MAP2K1: variants seen among roughly 807,000 people sequenced by gnomAD.
MAP2K1 encodes the protein mitogen-activated protein kinase kinase 1, also known as dual specificity mitogen-activated protein kinase kinase 1.
Under a neutral mutation model 46.3 loss-of-function variants are expected in MAP2K1, and 16 were observed. The observed-to-expected ratio is 0.35, with a 90% CI of 0.23 to 0.52. MAP2K1 has a LOEUF of 0.52. Ranked by LOEUF, MAP2K1 falls within the 20% of genes least tolerant of loss-of-function variation. The pLI, the probability that MAP2K1 is intolerant of heterozygous loss-of-function variation, is 0.94. For synonymous variants in MAP2K1, 183 were observed against 185.6 expected, an observed-to-expected ratio of 0.99 and a Z score of 0.11; for missense variants, 263 against 497.1, an observed-to-expected ratio of 0.53 and a Z score of 4.48.
intron 1 of MAP2K1, among the ~76,000 whole-genome samples, chr15:66,419,991 T>C (rs969750279): frequency 2.0e-5 from 3 of 152,078 alleles, no homozygotes; most frequent in African/African-American, 7.2e-5. Context: ...ACACCTGTAG[T>C]CCCAGCACTT....
chr15:66,479,427 AG>A, intron 5 of MAP2K1, among the ~76,000 whole-genome samples: 1 of 152,154 alleles, frequency 6.6e-6, no homozygotes, highest in Non-Finnish European at 1.5e-5. Context: ...TTCATCATGA[AG>A]GGGAGGAACT....
chr15:66,458,712 G>A lies in MAP2K1; in HGVS notation c.568+14005G>A, dbSNP rs540979675. ...TAAAAATTTTCTTTTCTAGAGATGC[G>A]GTCTCTCTCTGTTGCCCAGGTTGGT... On this transcript the variant is annotated intron_variant, in intron 5 of 10. Transcript: ENST00000307102. 5.9e-5 allele frequency among the ~76,000 whole-genome samples: 9 copies of A among 152,142 alleles called. No individual in the cohort carries two copies. The East Asian group carries it at 1.2e-3, about 20-fold the overall frequency.
intron 1 of MAP2K1, 129 bp from the exon 2 acceptor site, chr15:66,434,898 C>T: frequency 2.6e-6 from 2 of 756,442 alleles, no homozygotes; most frequent in South Asian, 2.8e-5. Flanking sequence ...GAGGGGGCCT[C>T]CTCTCTAGCC....
intron 5 of MAP2K1, among the ~76,000 whole-genome samples, chr15:66,469,894 G>T (rs1345760700): frequency 6.6e-6 from 1 of 150,536 alleles, no homozygotes; most frequent in Non-Finnish European, 1.5e-5. Context: ...AACCTAGGCT[G>T]TCATGAAAAA....
chr15:66,405,161 A>T (rs925390061), intron 1 of MAP2K1, among the ~76,000 whole-genome samples: 2 of 152,240 alleles, frequency 1.3e-5, no homozygotes, highest in Non-Finnish European at 2.9e-5. Flanking sequence ...AAGTTATTTC[A>T]TAAGGTTGCA....
intron 1 of MAP2K1, among the ~76,000 whole-genome samples, chr15:66,422,559 A>G (rs2093446143): frequency 6.6e-6 from 1 of 152,198 alleles, no homozygotes; most frequent in African/African-American, 2.4e-5. Flanking sequence ...TTAGGTGAAA[A>G]TGAATTATAT....
chr15:66,388,475 G>C (rs953154054), intron 1 of MAP2K1, among the ~76,000 whole-genome samples: 2 of 152,206 alleles, frequency 1.3e-5, no homozygotes, highest in African/African-American at 4.8e-5. Flanking sequence ...GATGAAATCA[G>C]AATAGGCTTG....
At chr15:66,434,194 C>T (rs1197799489) in intron 1 of MAP2K1, among the ~76,000 whole-genome samples, 1 of 152,092 alleles carries the variant, frequency 6.6e-6, no homozygotes, top group Non-Finnish European at 1.5e-5. Flanking sequence ...GTCCAAGTCA[C>T]TAAAACACAT....
At chr15:66,483,485 T>C (rs1021983078) in intron 6 of MAP2K1, among the ~76,000 whole-genome samples, 6 of 152,208 alleles carry the variant, frequency 3.9e-5, no homozygotes, top group Non-Finnish European at 8.8e-5. Flanking sequence ...TTGGGGTTTT[T>C]GTGGTTATAT....
chr15:66,475,692 G>T (rs1409683192), intron 5 of MAP2K1, among the ~76,000 whole-genome samples: 1 of 152,160 alleles, frequency 6.6e-6, no homozygotes, highest in Non-Finnish European at 1.5e-5. Flanking sequence ...AGCTACTCAG[G>T]CTATCATCTG....
Position 66,443,351 on chromosome 15 carries a change from C to T in MAP2K1, c.510C>T (p.Ser170=), listed in dbSNP as rs1215224137. The change falls in exon 4 of 11, where the codon AGC becomes AGT. Residue 170 remains serine, a synonymous_variant. Coordinates refer to ENST00000307102, the MANE Select transcript of MAP2K1 (RefSeq NM_002755.4). ...RIPEQILGKV[S]IAVIKGLTYL... is the part of the protein sequence containing the mutation. ...CTGAACAAATTTTAGGAAAAGTTAG[C>T]ATTGCTGTGAGTATGTTATGAAGTT... 1.2e-6 allele frequency: 2 copies of T among 1,601,644 alleles called. No individual in the cohort carries two copies. The highest frequency in any genetic ancestry group is 3.3e-5 in the Admixed American group (2 of 59,976).
chr15:66,400,224 C>G (rs1283485422), intron 1 of MAP2K1, among the ~76,000 whole-genome samples: 3 of 151,924 alleles, frequency 2.0e-5, no homozygotes, highest in African/African-American at 7.3e-5. Flanking sequence ...GGTTCTCACT[C>G]TGTTGCCCAG....
chr15:66,429,924 G>A (rs1006804400), intron 1 of MAP2K1, among the ~76,000 whole-genome samples: 3 of 151,796 alleles, frequency 2.0e-5, no homozygotes, highest in African/African-American at 4.8e-5. Flanking sequence ...ACTTGAACAC[G>A]CCCCCGTTCT....
intron 1 of MAP2K1, among the ~76,000 whole-genome samples, chr15:66,406,194 G>A (rs1389084660): frequency 1.3e-5 from 2 of 152,228 alleles, no homozygotes; most frequent in East Asian, 3.8e-4. Flanking sequence ...GGAAAAAGAT[G>A]TCTTATTATG....
intron 7 of MAP2K1, 97 bp from the exon 8 acceptor site, chr15:66,487,131 C>A: frequency 3.1e-6 from 3 of 969,942 alleles, no homozygotes; most frequent in Non-Finnish European, 3.3e-6. Flanking sequence ...TGTCCATGAC[C>A]CTGTTCTGGT....
chr15:66,453,202 C>T (rs556004509), intron 5 of MAP2K1, among the ~76,000 whole-genome samples: 106 of 152,206 alleles, frequency 7.0e-4, no homozygotes, highest in Non-Finnish European at 1.4e-3. Flanking sequence ...GGTTTCAGCA[C>T]ACTCCTGGAA....
At chr15:66,420,706 C>CATGTATATATAT (rs2093435953) in intron 1 of MAP2K1, among the ~76,000 whole-genome samples, 1 of 20,412 alleles carries the variant, frequency 4.9e-5, no homozygotes, top group African/African-American at 1.5e-4. Context: ...TTACTCTTGG[C>CATGTATATATAT]ATATATATAT....
At position 66,386,912 on chromosome 15, in the gene MAP2K1, A is replaced by G. The variant is rs940721233; in HGVS notation, c.-436A>G. 14 of 233,728 alleles carry G rather than the reference A, an allele frequency of 6.0e-5. No individual in the cohort carries two copies. Among genetic ancestry groups the G allele is most frequent in the Non-Finnish European group, 1.0e-4 (12 of 118,882 alleles). The allele number at this position is 233,728 out of a possible 1,614,324, so 14.5% of individuals were successfully genotyped here. A position where few individuals can be genotyped will look rare whatever the true frequency, so the allele number is the denominator to read the frequency against. ...CTTCCCCGCCCCTCCCCCGGCCTCC[A>G]GTCCCTCCCAGGGCCGCTTCGCAGA... is the stretch of plus-strand genomic sequence containing the variant. On this transcript the variant is annotated 5_prime_UTR_variant, in exon 1 of 11. Transcript: ENST00000307102.
intron 3 of MAP2K1, among the ~76,000 whole-genome samples, chr15:66,442,751 A>G (rs1221856713): frequency 1.3e-5 from 2 of 152,202 alleles, no homozygotes; most frequent in African/African-American, 2.4e-5. Context: ...TTCAGGGCTC[A>G]GTCCCCAAGA....
Sources: gnomAD v4.1 joint callset for allele counts (sites outside exome capture counted in the v4.1 genomes callset) on GRCh38, gnomAD v4.1.1 for gene constraint, MANE v1.5 for transcripts, NCBI Gene and HGNC (gene_info 2026-07-23, HGNC 2026-07-21) for gene names.